Variants in LIMS1 observed in about 807,000 individuals in gnomAD.
LIMS1 encodes the protein LIM zinc finger domain containing 1, also known as LIM and senescent cell antigen-like-containing domain protein 1.
LIMS1 carries 18 observed loss-of-function variants against 44.1 expected under a neutral mutation model. The observed-to-expected ratio is 0.41, with a 90% CI of 0.28 to 0.61. LIMS1 has a LOEUF of 0.61. Ranked by LOEUF, LIMS1 falls within the 20% of genes least tolerant of loss-of-function variation. The pLI is 0.32. For synonymous variants in LIMS1, 93 were observed against 149.1 expected (o/e 0.62, Z 2.74); for missense variants, 201 against 422.0 (o/e 0.48, Z 4.59).
At chr2:108,581,853 CT>C (rs1685898268) in intron 1 of LIMS1, among the ~76,000 whole-genome samples, 1 of 151,696 alleles carries the variant, frequency 6.6e-6, no homozygotes, top group African/African-American at 2.4e-5. Flanking sequence ...AAGAGAATTG[CT>C]TGAACCCAGG....
chr2:108,681,781 G>A (rs1693015171), intron 9 of LIMS1: 1 of 175,112 alleles, frequency 5.7e-6, no homozygotes, highest in Admixed American at 6.6e-5. Context: ...AATTAGCCAG[G>A]CGTGGTGGCC....
At position 108,627,467 on chromosome 2, in the gene LIMS1, A is replaced by G. The variant is rs373492213; in HGVS notation, c.33-32138A>G. 2.0e-5 allele frequency among the ~76,000 whole-genome samples: 3 copies of G among 150,636 alleles called. No individual in the cohort carries two copies. In the South Asian group the frequency reaches 6.3e-4, roughly 31 times the overall value. On this transcript the variant is annotated intron_variant, in intron 1 of 9. Coordinates refer to ENST00000544547, the Ensembl canonical transcript of LIMS1. Reference sequence around the variant, plus strand: ...AGGAACGAACCGTCAACTTTAACAGAATCAATCTGTAATTTTGTTGTCAGT... The same window carrying G: ...AGGAACGAACCGTCAACTTTAACAGGATCAATCTGTAATTTTGTTGTCAGT...
chr2:108,596,921 T>G (rs1414151382), intron 1 of LIMS1, among the ~76,000 whole-genome samples: 25 of 139,700 alleles, frequency 1.8e-4, no homozygotes, highest in African/African-American at 3.2e-4. Context: ...ATCTGTTTTT[T>G]TTTTTTTTTT....
At chr2:108,627,439 T>C (rs1476621438) in intron 1 of LIMS1, among the ~76,000 whole-genome samples, 3 of 150,328 alleles carry the variant, frequency 2.0e-5, no homozygotes, top group Non-Finnish European at 4.4e-5. Context: ...ATAGGAGACA[T>C]TTAGGAACGA....
intron 9 of LIMS1, among the ~76,000 whole-genome samples, chr2:108,682,043 CTTT>C (rs1157238292): frequency 6.6e-6 from 1 of 151,968 alleles, no homozygotes; most frequent in African/African-American, 2.4e-5. Context: ...TCTTCAAACT[CTTT>C]TTTTATTCCT....
At position 108,680,958 on chromosome 2, in the gene LIMS1, C is replaced by G; in HGVS notation, c.899+188C>G. The G allele has an allele frequency of 2.3e-6, 3 of 1,319,518 alleles. No individual in the cohort carries two copies. In the South Asian group the frequency reaches 5.1e-5, roughly 22 times the overall value. The allele number at this position is 1,319,518 out of a possible 1,614,324, so 81.7% of individuals were successfully genotyped here. ...GTTCTTTCTTCTATTCCTTCTTTGTCCTACTCAAAGGGATAAGTTTGTTGA... is the reference window on the plus strand; with the variant it reads ...GTTCTTTCTTCTATTCCTTCTTTGTGCTACTCAAAGGGATAAGTTTGTTGA... On this transcript the variant is annotated intron_variant, in intron 9 of 9. Transcript: ENST00000544547.
chr2:108,643,039 T>C (rs1275079537), intron 1 of LIMS1, among the ~76,000 whole-genome samples: 1 of 152,088 alleles, frequency 6.6e-6, no homozygotes, highest in African/African-American at 2.4e-5. Context: ...GATCAGAAAA[T>C]GACAAATTCA....
chr2:108,544,142 T>C (rs181936922), intron 1 of LIMS1, among the ~76,000 whole-genome samples: 2 of 152,370 alleles, frequency 1.3e-5, no homozygotes, highest in Admixed American at 6.5e-5. Context: ...TATTATAGAT[T>C]AGTTGTTACT....
Position 108,546,269 on chromosome 2 carries a change from C to CTTT in LIMS1, c.32+11696_32+11698dup, listed in dbSNP as rs35959257. ...TTTTCCCTTGCTCTCAGGCTACCGCCTTTTTTTTTTTTTTTTTTTTTTTAG... is the reference window on the plus strand; with the variant it reads ...TTTTCCCTTGCTCTCAGGCTACCGCCTTTTTTTTTTTTTTTTTTTTTTTTTTAG... On this transcript the variant is annotated intron_variant, in intron 1 of 9. Transcript: ENST00000544547. Among the ~76,000 whole-genome samples, 190 of 90,864 alleles carry CTTT rather than the reference C, an allele frequency of 2.1e-3. 26 individuals are homozygous for CTTT. The South Asian group carries it at 0.022, about 11-fold the overall frequency. 59.6% of individuals were successfully genotyped at this position (90,864 alleles called of 152,430 possible). A position where few individuals can be genotyped will look rare whatever the true frequency, so the allele number is the denominator to read the frequency against.
chr2:108,591,788 AGTTTTTTTTTTT>A lies in LIMS1; in HGVS notation c.32+57208_32+57219del, dbSNP rs1305491891. ...TAAGGGAACTTTTAAAAATGTTTTT[AGTTTTTTTTTTT>A]GTTTTTTTTTTTGAGACAGAGTCTC... On this transcript the variant is annotated intron_variant, in intron 1 of 9. Transcript: ENST00000544547. Among the ~76,000 whole-genome samples, 3 of 128,000 alleles carry A rather than the reference AGTTTTTTTTTTT, an allele frequency of 2.3e-5. No individual in the cohort carries two copies. In the Admixed American group the frequency reaches 2.7e-4, roughly 12 times the overall value. 84.0% of individuals were successfully genotyped at this position (128,000 alleles called of 152,430 possible).
chr2:108,535,267 G>A lies in LIMS1; in HGVS notation c.32+673G>A, dbSNP rs117988633. On this transcript the variant is annotated intron_variant, in intron 1 of 9. Coordinates refer to ENST00000544547, the Ensembl canonical transcript of LIMS1. ...CACAGATGTGTAGTTGGAAAAGTGAGTACTGTCTTAATAGCTGTTTCAGAT... is the reference window on the plus strand; with the variant it reads ...CACAGATGTGTAGTTGGAAAAGTGAATACTGTCTTAATAGCTGTTTCAGAT... Among the ~76,000 whole-genome samples the A allele has an allele frequency of 2.2e-4, 33 of 152,322 alleles. No homozygotes were observed. In the East Asian group the frequency reaches 6.2e-3, roughly 28 times the overall value.
chr2:108,595,586 A>G (rs1372300973), intron 1 of LIMS1, among the ~76,000 whole-genome samples: 2 of 151,188 alleles, frequency 1.3e-5, no homozygotes, highest in African/African-American at 4.9e-5. Flanking sequence ...CCACTTAACT[A>G]TTTTCTTCAG....
intron 1 of LIMS1, chr2:108,621,217 G>T: frequency 6.9e-7 from 1 of 1,442,946 alleles, no homozygotes; most frequent in South Asian, 1.4e-5. Flanking sequence ...TGCTTCAGCA[G>T]CTTGGTCTGC....
chr2:108,534,403 C>T (rs1049485403), exon 1 of LIMS1: 5 of 333,464 alleles, frequency 1.5e-5, no homozygotes, highest in South Asian at 2.6e-4. Context: ...GCCTCGCCTT[C>T]CCCCCCCTCC....
At chr2:108,593,916 A>G (rs753957995) in intron 1 of LIMS1, among the ~76,000 whole-genome samples, 20 of 152,208 alleles carry the variant, frequency 1.3e-4, no homozygotes, top group African/African-American at 4.6e-4. Flanking sequence ...CAGTCATTAC[A>G]TATCTGGTGA....
intron 1 of LIMS1, among the ~76,000 whole-genome samples, chr2:108,568,511 A>G (rs147589567): frequency 2.6e-5 from 4 of 152,362 alleles, no homozygotes; most frequent in African/African-American, 7.2e-5. Flanking sequence ...TACCTCTTCA[A>G]TACCCTGCTT....
intron 1 of LIMS1, among the ~76,000 whole-genome samples, chr2:108,641,854 C>T (rs1689689148): frequency 6.6e-6 from 1 of 152,142 alleles, no homozygotes; most frequent in Non-Finnish European, 1.5e-5. Context: ...GAAAGAAAAT[C>T]CAGTGCATTT....
At chr2:108,629,303 TTCC>T (rs1688761251) in intron 1 of LIMS1, among the ~76,000 whole-genome samples, 1 of 152,182 alleles carries the variant, frequency 6.6e-6, no homozygotes, top group Non-Finnish European at 1.5e-5. Context: ...ATAGGATTGT[TTCC>T]AAAAAAGTTT....
At chr2:108,649,807 G>A (rs899321999) in intron 1 of LIMS1, among the ~76,000 whole-genome samples, 5 of 152,082 alleles carry the variant, frequency 3.3e-5, no homozygotes, top group Non-Finnish European at 5.9e-5. Context: ...ATCACACACC[G>A]GGGCCTGTCG....
Sources: gnomAD v4.1 joint callset for allele counts (sites outside exome capture counted in the v4.1 genomes callset) on GRCh38, gnomAD v4.1.1 for gene constraint, MANE v1.5 for transcripts, NCBI Gene and HGNC (gene_info 2026-07-23, HGNC 2026-07-21) for gene names.